TIMELESS: variants seen among roughly 807,000 people sequenced by gnomAD.
TIMELESS encodes the protein protein timeless homolog.
TIMELESS carries 124 observed loss-of-function variants against 164.3 expected under a neutral mutation model. The observed-to-expected ratio is 0.75, with a 90% CI of 0.65 to 0.88. TIMELESS has a LOEUF of 0.88. TIMELESS is among the 40% of genes least tolerant of loss of function. The pLI, the probability that TIMELESS is intolerant of heterozygous loss-of-function variation, is 0.00. For missense variants in TIMELESS, 1,422 were observed against 1,491.4 expected (o/e 0.95, Z 0.77); for synonymous variants, 564 against 563.4 (o/e 1.00, Z -0.02).
At chr12:56,437,656 C>A (rs1882116181) in intron 1 of TIMELESS, among the ~76,000 whole-genome samples, 1 of 151,876 alleles carries the variant, frequency 6.6e-6, no homozygotes, top group Non-Finnish European at 1.5e-5. Flanking sequence ...GTTAAGCAGG[C>A]CAAAACAAAA....
rs374823826 is a variant in TIMELESS, at chr12:56,423,762, C to G, written c.1966+35G>C. ...CTGTTATGTTGGTGCTAGAAAAGAG[C>G]TGGAAGGAGACAGATGTGAAGGGTG... is the stretch of plus-strand genomic sequence containing the variant. On this transcript the variant is annotated intron_variant, in intron 16 of 28. Transcript: ENST00000553532. The G allele has an allele frequency of 7.6e-5, 123 of 1,613,946 alleles. 1 individual carries two copies. Among genetic ancestry groups the G allele is most frequent in the Non-Finnish European group, 1.0e-4 (121 of 1,179,994 alleles).
chr12:56,422,528 T>C (rs762889395), intron 19 of TIMELESS, among the ~76,000 whole-genome samples: 7 of 152,194 alleles, frequency 4.6e-5, no homozygotes, highest in Non-Finnish European at 7.3e-5. Context: ...CAAATCCTCA[T>C]GGTTTCCCAG....
chr12:56,432,345 T>G (rs756865256), intron 7 of TIMELESS, 24 bp downstream of exon 7: 4 of 1,600,794 alleles, frequency 2.5e-6, no homozygotes, highest in Non-Finnish European at 2.6e-6. Context: ...CGGAGGGGAC[T>G]CGGGCAATAG....
intron 26 of TIMELESS, among the ~76,000 whole-genome samples, chr12:56,420,068 GTGTA>G (rs1199509511): frequency 1.3e-4 from 12 of 89,618 alleles, no homozygotes; most frequent in African/African-American, 2.5e-4. Context: ...GTGTGTGTGT[GTGTA>G]TATATATATA....
intron 13 of TIMELESS, among the ~76,000 whole-genome samples, chr12:56,425,522 T>C (rs75686223): frequency 0.02 from 3,035 of 152,264 alleles, 49 homozygotes; most frequent in Non-Finnish European, 0.028. Flanking sequence ...ATAAGACACA[T>C]GGAAAAGCTT....
intron 1 of TIMELESS, among the ~76,000 whole-genome samples, chr12:56,442,035 G>C (rs1340251392): frequency 7.7e-6 from 1 of 129,278 alleles, no homozygotes; most frequent in Admixed American, 9.2e-5. Context: ...AGTGAGTTGA[G>C]ATCGTGCCAC....
At position 56,431,596 on chromosome 12, in the gene TIMELESS, C is replaced by A. The variant is rs1418945109; in HGVS notation, c.696G>T (p.Glu232Asp). ...VSLMFRDQNPEQLAGVGQGRL... is the reference protein window; with the variant it reads ...VSLMFRDQNPDQLAGVGQGRL... ...GTCCCTGCCCTACTCCCGCCAGCTG[C>A]TCGGGGTTCTAGATTGGAACAAAGA... Residue 232 changes from glutamate to aspartate, a missense_variant, in exon 8 of 29, where the codon GAG becomes GAT. Coordinates refer to ENST00000553532, the MANE Select transcript of TIMELESS (RefSeq NM_003920.5). 1 of 1,611,710 alleles carries A rather than the reference C, an allele frequency of 6.2e-7. No individual in the cohort carries two copies. Among genetic ancestry groups the A allele is most frequent in the Non-Finnish European group, 8.5e-7 (1 of 1,179,504 alleles).
At chr12:56,446,939 T>C (rs2136158220) in intron 1 of TIMELESS, among the ~76,000 whole-genome samples, 1 of 152,178 alleles carries the variant, frequency 6.6e-6, no homozygotes, top group Non-Finnish European at 1.5e-5. Flanking sequence ...CAATTCATGT[T>C]GTATATAATA....
At position 56,432,347 on chromosome 12, in the gene TIMELESS, G is replaced by A. The variant is rs375903627; in HGVS notation, c.687+22C>T. ...AAAAGTACATGGGCGGAGGGGACTCGGGCAATAGGCCAGGGTCTCACCTGG... is the reference window on the plus strand; with the variant it reads ...AAAAGTACATGGGCGGAGGGGACTCAGGCAATAGGCCAGGGTCTCACCTGG... On this transcript the variant is annotated intron_variant, in intron 7 of 28. Transcript: ENST00000553532. The A allele has an allele frequency of 4.6e-5, 74 of 1,600,802 alleles. No individual in the cohort carries two copies. The Middle Eastern group carries it at 5.0e-4, about 11-fold the overall frequency.
chr12:56,430,989 A>G, intron 8 of TIMELESS, 21 bp from the exon 9 acceptor site: 1 of 1,522,188 alleles, frequency 6.6e-7, no homozygotes, highest in Non-Finnish European at 8.9e-7. Context: ...AAAAAGGTCC[A>G]AGGTGATTTT....
intron 26 of TIMELESS, among the ~76,000 whole-genome samples, chr12:56,420,029 AATATATATAT>A (rs1555176448): frequency 4.0e-5 from 3 of 75,188 alleles, no homozygotes; most frequent in Non-Finnish European, 6.6e-5. Context: ...AAAAAAAAAA[AATATATATAT>A]ATATATATAT....
In TIMELESS at chr12:56,425,169, G is replaced by T; in HGVS notation, c.1579-17C>A. Reference sequence around the variant, plus strand: ...TTGTTTGTTCTGTGGGGAAAGAATTGTATTAGGATGTCAAGAGAGCTAAAG... The same window carrying T: ...TTGTTTGTTCTGTGGGGAAAGAATTTTATTAGGATGTCAAGAGAGCTAAAG... On this transcript the variant is annotated splice_polypyrimidine_tract_variant and intron_variant, in intron 13 of 28. Coordinates refer to ENST00000553532, the MANE Select transcript of TIMELESS (RefSeq NM_003920.5). The T allele has an allele frequency of 2.5e-6, 4 of 1,605,124 alleles. No homozygotes were observed. The highest frequency in any genetic ancestry group is 3.4e-6 in the Non-Finnish European group (4 of 1,177,974).
intron 8 of TIMELESS, 101 bp downstream of exon 8, chr12:56,431,370 A>AAAAAAAAAAC: frequency 7.5e-7 from 1 of 1,326,954 alleles, no homozygotes; most frequent in Non-Finnish European, 1.0e-6. Flanking sequence ...AAAAAAAAAA[A>AAAAAAAAAAC]AACACTAAAA....
At chr12:56,427,318 T>C (rs1881710298) in intron 13 of TIMELESS, among the ~76,000 whole-genome samples, 1 of 152,068 alleles carries the variant, frequency 6.6e-6, no homozygotes, top group African/African-American at 2.4e-5. Context: ...AGAAGGAGTT[T>C]TGTCATGTTG....
chr12:56,439,556 G>A lies in TIMELESS; in HGVS notation c.-61-5325C>T, dbSNP rs141391661. ...ACCACAGGCATTCAATACCACATCTGGCTAATTTTTAAATTTGTGTAGAGC... is the reference window on the plus strand; with the variant it reads ...ACCACAGGCATTCAATACCACATCTAGCTAATTTTTAAATTTGTGTAGAGC... On this transcript the variant is annotated intron_variant, in intron 1 of 28. Coordinates refer to ENST00000553532, the MANE Select transcript of TIMELESS (RefSeq NM_003920.5). Among the ~76,000 whole-genome samples the A allele has an allele frequency of 5.6e-3, 858 of 152,012 alleles. 9 individuals carry two copies. Among genetic ancestry groups the A allele is most frequent in the African/African-American group, 0.019 (773 of 41,448 alleles).
intron 10 of TIMELESS, among the ~76,000 whole-genome samples, chr12:56,429,826 T>C (rs879456781): frequency 1.3e-5 from 2 of 151,878 alleles, no homozygotes; most frequent in Non-Finnish European, 2.9e-5. Flanking sequence ...ACCGCTATAA[T>C]ACTCTAGGAT....
At chr12:56,438,190 C>A (rs1327118862) in intron 1 of TIMELESS, among the ~76,000 whole-genome samples, 3 of 152,234 alleles carry the variant, frequency 2.0e-5, no homozygotes, top group South Asian at 4.1e-4. Context: ...GGATTACAGG[C>A]ATGCACCACA....
At chr12:56,435,621 T>C (rs1279985549) in intron 1 of TIMELESS, among the ~76,000 whole-genome samples, 2 of 152,160 alleles carry the variant, frequency 1.3e-5, no homozygotes, top group Non-Finnish European at 2.9e-5. Context: ...GAGACCAACT[T>C]TGCCAACATG....
intron 1 of TIMELESS, among the ~76,000 whole-genome samples, chr12:56,443,898 CTTTTTT>C (rs1225876764): frequency 7.4e-6 from 1 of 134,840 alleles, no homozygotes. Context: ...TTTCGGTATT[CTTTTTT>C]TTTTTTTTTT....
Sources: allele counts gnomAD v4.1 joint callset (sites outside exome capture counted in the v4.1 genomes callset), GRCh38; gene constraint gnomAD v4.1.1; transcripts MANE v1.5; gene names NCBI Gene and HGNC (gene_info 2026-07-23, HGNC 2026-07-21).